ETNK1: variants seen among roughly 807,000 people sequenced by gnomAD.
The protein encoded by ETNK1 is putative protein product of Nbla10396.
In ETNK1, 8 loss-of-function variants were observed where a neutral mutation model predicts 45.1. The observed-to-expected ratio is 0.18, with a 90% CI of 0.10 to 0.32. The LOEUF (loss-of-function observed/expected upper bound fraction) is 0.32. Ranked by LOEUF, ETNK1 falls within the 10% of genes least tolerant of loss-of-function variation. The pLI, the probability that ETNK1 is intolerant of heterozygous loss-of-function variation, is 1.00. For missense variants in ETNK1, 302 were observed against 430.6 expected, an observed-to-expected ratio of 0.70 and a Z score of 2.64; for synonymous variants, 152 against 151.9, an observed-to-expected ratio of 1.00 and a Z score of -0.01.
chr12:22,671,507 G>A, intron 5 of ETNK1, 152 bp downstream of exon 5: 2 of 636,554 alleles, frequency 3.1e-6, no homozygotes, highest in Non-Finnish European at 5.4e-6. Flanking sequence ...CTGGAAGAAA[G>A]CAGAGATGAC....
At chr12:22,636,579 TC>T (rs1953657786) in intron 1 of ETNK1, among the ~76,000 whole-genome samples, 1 of 152,220 alleles carries the variant, frequency 6.6e-6, no homozygotes, top group Non-Finnish European at 1.5e-5. Context: ...TCAGCTTCCT[TC>T]TCTATGTCTT....
chr12:22,684,060 A>G (rs1409730188), intron 6 of ETNK1, among the ~76,000 whole-genome samples: 1 of 152,148 alleles, frequency 6.6e-6, no homozygotes, highest in East Asian at 1.9e-4. Context: ...TTTCACATTT[A>G]AATATATTTA....
intron 6 of ETNK1, among the ~76,000 whole-genome samples, chr12:22,679,702 G>GTT (rs71444173): frequency 3.3e-4 from 42 of 128,530 alleles, no homozygotes; most frequent in East Asian, 8.8e-4. Flanking sequence ...TTGGTTTTTT[G>GTT]TTTTTTTTTT....
intron 1 of ETNK1, among the ~76,000 whole-genome samples, chr12:22,632,380 C>T (rs557825136): frequency 6.6e-6 from 1 of 152,048 alleles, no homozygotes; most frequent in East Asian, 1.9e-4. Context: ...TTCTTTTTTT[C>T]ACTAGCCCTT....
chr12:22,635,743 G>A lies in ETNK1; in HGVS notation c.157-8020G>A, dbSNP rs145132089. Among the ~76,000 whole-genome samples, 73 of 152,012 alleles carry A rather than the reference G, an allele frequency of 4.8e-4. 2 individuals are homozygous for A. In the Middle Eastern group the frequency reaches 0.017, roughly 35 times the overall value. Reference sequence around the variant, plus strand: ...AACATAAAAATTTATTATCTTAACCGGTTTTATTTGGTGTGTGTGTTATTG... The same window carrying A: ...AACATAAAAATTTATTATCTTAACCAGTTTTATTTGGTGTGTGTGTTATTG... On this transcript the variant is annotated intron_variant, in intron 1 of 7. Transcript: ENST00000266517.
chr12:22,655,735 T>G (rs1953932853), intron 2 of ETNK1, among the ~76,000 whole-genome samples: 1 of 152,220 alleles, frequency 6.6e-6, no homozygotes, highest in Non-Finnish European at 1.5e-5. Flanking sequence ...TGTTAATTTT[T>G]TTTCCTGGTG....
At position 22,689,113 on chromosome 12, in the gene ETNK1, T is replaced by G. The variant is rs1399657076; in HGVS notation, c.*4159T>G. The G allele has an allele frequency of 6.6e-6, 1 of 151,930 alleles. No individual in the cohort carries two copies. 9.4% of individuals were successfully genotyped at this position (151,930 alleles called of 1,614,324 possible). A position where few individuals can be genotyped will look rare whatever the true frequency, so the allele number is the denominator to read the frequency against. ...TACTTGAAAACTGAAATTAATAAGA[T>G]GTATTACATAATGAATTAGATTTCT... On this transcript the variant is annotated 3_prime_UTR_variant, in exon 8 of 8. Coordinates refer to ENST00000266517, the MANE Select transcript of ETNK1 (RefSeq NM_018638.5).
intron 6 of ETNK1, among the ~76,000 whole-genome samples, chr12:22,678,574 C>T (rs1954183078): frequency 6.6e-6 from 1 of 152,144 alleles, no homozygotes; most frequent in Non-Finnish European, 1.5e-5. Context: ...GGAAGAACAA[C>T]CTGAACAAAT....
chr12:22,659,208 A>G lies in ETNK1; in HGVS notation c.557+54A>G, dbSNP rs1042845287. 4.0e-6 allele frequency: 6 copies of G among 1,493,262 alleles called. No homozygotes were observed. In the Admixed American group the frequency reaches 9.8e-5, roughly 25 times the overall value. The allele number at this position is 1,493,262 out of a possible 1,614,324, so 92.5% of individuals were successfully genotyped here. A position where few individuals can be genotyped will look rare whatever the true frequency, so the allele number is the denominator to read the frequency against. On this transcript the variant is annotated intron_variant, in intron 3 of 7. Transcript: ENST00000266517. ...GTTTTACATTGCTTTGCTCTATGAT[A>G]GGGTTTCAAAGGTAATTGTAAAGTT... is the stretch of plus-strand genomic sequence containing the variant.
chr12:22,667,940 G>A (rs1013281799), intron 4 of ETNK1, among the ~76,000 whole-genome samples: 2 of 152,126 alleles, frequency 1.3e-5, no homozygotes, highest in African/African-American at 4.8e-5. Context: ...ATAAAGATAT[G>A]CAAGAAATAA....
chr12:22,681,674 G>A (rs1028101392), intron 6 of ETNK1, among the ~76,000 whole-genome samples: 2 of 151,756 alleles, frequency 1.3e-5, no homozygotes, highest in African/African-American at 4.8e-5. Context: ...TAACGCAAAT[G>A]CCATAAATAG....
intron 4 of ETNK1, among the ~76,000 whole-genome samples, chr12:22,664,704 G>C (rs1043707413): frequency 6.6e-6 from 1 of 152,020 alleles, no homozygotes; most frequent in Non-Finnish European, 1.5e-5. Context: ...TGAGTCTTTT[G>C]AGATTAAGAT....
intron 4 of ETNK1, among the ~76,000 whole-genome samples, chr12:22,664,233 G>A (rs929125199): frequency 6.6e-6 from 1 of 151,854 alleles, no homozygotes. Flanking sequence ...TTATATGTTT[G>A]CATTTAATAT....
At chr12:22,671,074 CA>C in intron 4 of ETNK1, 197 bp from the exon 5 acceptor site, 1 of 503,038 alleles carries the variant, frequency 2.0e-6, no homozygotes, top group South Asian at 2.7e-5. Flanking sequence ...AGCTGTTGAC[CA>C]AGAGACATAA....
chr12:22,637,668 A>T (rs1324489373), intron 1 of ETNK1, among the ~76,000 whole-genome samples: 5 of 152,218 alleles, frequency 3.3e-5, no homozygotes, highest in African/African-American at 4.8e-5. Flanking sequence ...ATAGGTATAT[A>T]AAAAAGTAAG....
intron 3 of ETNK1, 131 bp from the exon 4 acceptor site, chr12:22,660,932 A>G (rs2137556865): frequency 5.6e-6 from 4 of 709,884 alleles, no homozygotes; most frequent in Non-Finnish European, 9.0e-6. Context: ...AAATAGAATA[A>G]TTGGTCTGTT....
At chr12:22,635,834 G>T (rs1370045591) in intron 1 of ETNK1, among the ~76,000 whole-genome samples, 1 of 152,056 alleles carries the variant, frequency 6.6e-6, no homozygotes, top group Non-Finnish European at 1.5e-5. Context: ...TTTGATATTT[G>T]TTGAGGCTTG....
intron 2 of ETNK1, among the ~76,000 whole-genome samples, chr12:22,647,034 G>T (rs1953816300): frequency 6.6e-6 from 1 of 151,734 alleles, no homozygotes; most frequent in African/African-American, 2.4e-5. Flanking sequence ...GGTGAGGAAT[G>T]GTATAGGTAA....
chr12:22,650,352 T>C lies in ETNK1; in HGVS notation c.416+6330T>C, dbSNP rs929454503. The stretch of plus-strand genomic sequence containing the variant: ...GGTGAAAAGTGATGTTCTTTCTTTA[T>C]TCCTGATCTTAGTGGGAAATCTTCA... On this transcript the variant is annotated intron_variant, in intron 2 of 7. Transcript: ENST00000266517. 3.9e-5 allele frequency among the ~76,000 whole-genome samples: 6 copies of C among 152,158 alleles called. No homozygotes were observed. The South Asian group carries it at 8.3e-4, about 21-fold the overall frequency.
Sources: allele counts gnomAD v4.1 joint callset (sites outside exome capture counted in the v4.1 genomes callset), GRCh38; gene constraint gnomAD v4.1.1; transcripts MANE v1.5; gene names NCBI Gene and HGNC (gene_info 2026-07-23, HGNC 2026-07-21).